Variants in B3GALT1 observed in about 807,000 individuals in gnomAD.
The protein encoded by B3GALT1 is beta-1,3-galactosyltransferase 1.
In B3GALT1, 10 loss-of-function variants were observed where a neutral mutation model predicts 23.2. The ratio of observed to expected loss-of-function variants is 0.43; its 90% CI spans 0.27 to 0.73. The LOEUF is 0.73. Among genes scored for constraint, B3GALT1 ranks in the 30% least tolerant of loss-of-function variants. The pLI is 0.21. For synonymous variants in B3GALT1, 156 were observed against 141.5 expected (o/e 1.10, Z -0.73); for missense variants, 299 against 405.4 (o/e 0.74, Z 2.25).
intron 4 of B3GALT1, among the ~76,000 whole-genome samples, chr2:167,829,694 C>A (rs763301029): frequency 3.0e-4 from 46 of 152,208 alleles, no homozygotes; most frequent in Middle Eastern, 3.4e-3. Context: ...TGTTGATATC[C>A]TTCTCCACTG....
intron 2 of B3GALT1, among the ~76,000 whole-genome samples, chr2:167,617,817 A>T (rs1443969769): frequency 1.3e-5 from 2 of 152,050 alleles, no homozygotes; most frequent in African/African-American, 2.4e-5. Flanking sequence ...GGCTATAATT[A>T]AAGAGCTGGG....
intron 3 of B3GALT1, among the ~76,000 whole-genome samples, chr2:167,709,654 T>C (rs1297954281): frequency 1.3e-5 from 2 of 152,152 alleles, no homozygotes; most frequent in Non-Finnish European, 2.9e-5. Flanking sequence ...GAATGCTACA[T>C]GGAACAGCTG....
chr2:167,492,657 A>G (rs1699727272), intron 2 of B3GALT1, among the ~76,000 whole-genome samples: 1 of 152,218 alleles, frequency 6.6e-6, no homozygotes, highest in South Asian at 2.1e-4. Context: ...CAATGCTTAG[A>G]GTTTTAGCAA....
intron 1 of B3GALT1, among the ~76,000 whole-genome samples, chr2:167,326,629 C>A (rs184319175): frequency 3.2e-4 from 49 of 152,022 alleles, no homozygotes; most frequent in African/African-American, 1.1e-3. Flanking sequence ...AGATAGAGGT[C>A]CAGTTTCATT....
At chr2:167,332,341 T>C (rs76891769) in intron 1 of B3GALT1, among the ~76,000 whole-genome samples, 10,118 of 152,266 alleles carry the variant, frequency 0.066, 473 homozygotes, top group South Asian at 0.17. Flanking sequence ...AACACACTTA[T>C]TTGTTATGCA....
intron 3 of B3GALT1, among the ~76,000 whole-genome samples, chr2:167,699,378 C>CTTTT (rs1285786645): frequency 0.038 from 2,934 of 77,938 alleles, 84 homozygotes; most frequent in East Asian, 0.063. Context: ...GCCATTATTT[C>CTTTT]TATTTTTTTT....
intron 2 of B3GALT1, among the ~76,000 whole-genome samples, chr2:167,558,703 T>A (rs896645886): frequency 2.0e-5 from 3 of 152,188 alleles, no homozygotes; most frequent in Non-Finnish European, 4.4e-5. Flanking sequence ...TCTCGCTGAT[T>A]GCTAGCACAG....
intron 4 of B3GALT1, among the ~76,000 whole-genome samples, chr2:167,820,723 C>CTATT (rs1689087252): frequency 2.6e-5 from 4 of 152,202 alleles, no homozygotes; most frequent in African/African-American, 9.7e-5. Context: ...ACTATCCTGA[C>CTATT]TATTATTATT....
In B3GALT1 at chr2:167,440,886, T is replaced by C. The variant is rs193138164; in HGVS notation, c.-510-49291T>C. On this transcript the variant is annotated intron_variant, in intron 1 of 4. Transcript: ENST00000392690. ...TTTTCATTTTTTAATCAATTTATTT[T>C]CTCTTTAGCCTTCAATATTATTAGA... Among the ~76,000 whole-genome samples the C allele has an allele frequency of 3.4e-3, 521 of 152,324 alleles. 2 individuals carry two copies. Among genetic ancestry groups the C allele is most frequent in the African/African-American group, 0.012 (489 of 41,568 alleles).
chr2:167,465,205 T>G (rs903755699), intron 1 of B3GALT1, among the ~76,000 whole-genome samples: 1 of 152,206 alleles, frequency 6.6e-6, no homozygotes, highest in Non-Finnish European at 1.5e-5. Flanking sequence ...TGTATTTATT[T>G]TATTTTATCT....
At chr2:167,643,075 A>G (rs73015449) in intron 2 of B3GALT1, among the ~76,000 whole-genome samples, 2,412 of 152,314 alleles carry the variant, frequency 0.016, 86 homozygotes, top group African/African-American at 0.055. Context: ...TTAAAAACAT[A>G]TAACAATGGA....
intron 1 of B3GALT1, among the ~76,000 whole-genome samples, chr2:167,343,294 A>C (rs888263729): frequency 6.6e-6 from 1 of 152,202 alleles, no homozygotes; most frequent in Non-Finnish European, 1.5e-5. Context: ...TGACACTTAA[A>C]TTTTAGGAAG....
intron 4 of B3GALT1, among the ~76,000 whole-genome samples, chr2:167,843,428 G>A (rs1016105845): frequency 6.6e-5 from 10 of 152,230 alleles, no homozygotes; most frequent in Middle Eastern, 3.4e-3. Flanking sequence ...CCCCAGATAG[G>A]AATCCTCAGT....
chr2:167,576,520 GTT>G (rs67961883), intron 2 of B3GALT1, among the ~76,000 whole-genome samples: 2 of 122,420 alleles, frequency 1.6e-5, no homozygotes, highest in Non-Finnish European at 3.5e-5. Context: ...TTGTTTTTCT[GTT>G]TTTTTTTTTG....
intron 1 of B3GALT1, among the ~76,000 whole-genome samples, chr2:167,409,182 A>T (rs564071774): frequency 1.3e-5 from 2 of 152,270 alleles, no homozygotes; most frequent in African/African-American, 4.8e-5. Flanking sequence ...TGTTCTTAAC[A>T]TGTTTTCCTT....
chr2:167,512,580 G>A lies in B3GALT1; in HGVS notation c.-410+22303G>A, dbSNP rs941467726. ...TGTATATATATATGTATATATATAT[G>A]TATATATATATGTGTATATATATAT... On this transcript the variant is annotated intron_variant, in intron 2 of 4. Transcript: ENST00000392690. Among the ~76,000 whole-genome samples the A allele has an allele frequency of 7.2e-4, 34 of 47,060 alleles. 1 individual carries two copies. Among genetic ancestry groups the A allele is most frequent in the African/African-American group, 2.7e-3 (32 of 11,726 alleles). The allele number at this position is 47,060 out of a possible 152,430, so 30.9% of individuals were successfully genotyped here. A position where few individuals can be genotyped will look rare whatever the true frequency, so the allele number is the denominator to read the frequency against.
At chr2:167,676,218 A>T (rs1686422168) in intron 3 of B3GALT1, among the ~76,000 whole-genome samples, 1 of 152,030 alleles carries the variant, frequency 6.6e-6, no homozygotes, top group South Asian at 2.1e-4. Context: ...TTTATGAGTA[A>T]TTCTTACCAA....
intron 4 of B3GALT1, among the ~76,000 whole-genome samples, chr2:167,822,645 C>A (rs771578067): frequency 9.9e-5 from 15 of 152,164 alleles, no homozygotes; most frequent in Non-Finnish European, 1.6e-4. Flanking sequence ...CCTTCTTACT[C>A]CCACCTGGCT....
At chr2:167,570,081 G>T (rs1215987697) in intron 2 of B3GALT1, among the ~76,000 whole-genome samples, 2 of 151,732 alleles carry the variant, frequency 1.3e-5, no homozygotes, top group Non-Finnish European at 3.0e-5. Context: ...ATATTTTGTT[G>T]ATAATTTTTG....
Sources: allele counts gnomAD v4.1 joint callset (sites outside exome capture counted in the v4.1 genomes callset), GRCh38; gene constraint gnomAD v4.1.1; transcripts MANE v1.5; gene names NCBI Gene and HGNC (gene_info 2026-07-23, HGNC 2026-07-21).